SELE: variants seen among roughly 807,000 people sequenced by gnomAD.
The protein encoded by SELE is selectin E.
Under a neutral mutation model 75.8 loss-of-function variants are expected in SELE, and 52 were observed. The ratio of observed to expected loss-of-function variants is 0.69; its 90% CI spans 0.55 to 0.86. SELE has a LOEUF of 0.86. Among genes scored for constraint, SELE ranks in the 40% least tolerant of loss-of-function variants. SELE has a pLI of 0.00. For missense variants in SELE, 754 were observed against 732.7 expected (o/e 1.03, Z -0.34); for synonymous variants, 285 against 258.7 (o/e 1.10, Z -0.98).
intron 13 of SELE, among the ~76,000 whole-genome samples, chr1:169,725,126 G>A (rs916628224): frequency 6.6e-6 from 1 of 152,110 alleles, no homozygotes; most frequent in Non-Finnish European, 1.5e-5. Context: ...AGTGGCTCAC[G>A]CCTGTAATCC....
At chr1:169,731,089 T>C (rs898867987) in intron 4 of SELE, among the ~76,000 whole-genome samples, 2 of 152,148 alleles carry the variant, frequency 1.3e-5, no homozygotes, top group Admixed American at 1.3e-4. Flanking sequence ...TCTACTATAG[T>C]AGCCACTATC....
In SELE at chr1:169,722,773, A is replaced by C. The variant is rs1165936444; in HGVS notation, c.*1752T>G. 6.6e-6 allele frequency: 1 copy of C among 152,218 alleles called. No homozygotes were observed. The highest frequency in any genetic ancestry group is 2.4e-5 in the African/African-American group (1 of 41,474). The allele number at this position is 152,218 out of a possible 1,614,324, so 9.4% of individuals were successfully genotyped here. A position where few individuals can be genotyped will look rare whatever the true frequency, so the allele number is the denominator to read the frequency against. On this transcript the variant is annotated 3_prime_UTR_variant, in exon 14 of 14. Transcript: ENST00000333360. Reference sequence around the variant, plus strand: ...ATTTAAAATTCTCAATAAAACTCAAACACAAACCACACTGGTATTTCACAC... The same window carrying C: ...ATTTAAAATTCTCAATAAAACTCAACCACAAACCACACTGGTATTTCACAC...
At position 169,729,212 on chromosome 1, in the gene SELE, C is replaced by T; in HGVS notation, c.1064G>A (p.Trp355Ter). The change falls in exon 7 of 14, where the codon TGG (tryptophan) becomes TAG (stop). Residue 355 changes from tryptophan (W) to a stop codon, truncating the protein, a stop_gained. Transcript: ENST00000333360. LOFTEE classifies it high-confidence loss of function. ...TTCACAAACTGGGATTTGCTGTGTC[C>T]ACTGCCCTTGAGTGGTGCATTCAAC... ...AQVECTTQGQWTQQIPVCEAF... is the reference protein window; with the variant it reads ...AQVECTTQGQ 4 of 1,612,638 alleles carry T rather than the reference C, an allele frequency of 2.5e-6. No individual in the cohort carries two copies. Among genetic ancestry groups the T allele is most frequent in the Non-Finnish European group, 3.4e-6 (4 of 1,179,272 alleles).
At position 169,730,414 on chromosome 1, in the gene SELE, A is replaced by C; in HGVS notation, c.715+18T>G. The C allele has an allele frequency of 6.4e-7, 1 of 1,565,120 alleles. No individual in the cohort carries two copies. Among genetic ancestry groups the C allele is most frequent in the Non-Finnish European group, 8.7e-7 (1 of 1,147,526 alleles). On this transcript the variant is annotated intron_variant, in intron 5 of 13. Transcript: ENST00000333360. ...GGATGAGTTACAGAACGTTCTGTGC[A>C]TTCTCAGAGGGATTTACCATTGCAG...
chr1:169,732,812 CT>C lies in SELE; in HGVS notation c.223del (p.Arg75GlufsTer10). On this transcript the variant is annotated frameshift_variant, in exon 3 of 14. Transcript: ENST00000333360. LOFTEE classifies it high-confidence loss of function. The part of the protein sequence containing the change: ...YSPSYYWIGI[R>X]KVNNVWVWVG... ...CCAGACCCACACATTGTTGACTTTT[CT>C]GATTCCAATCCAGTAATAACTTGGT... 1 of 1,614,122 alleles carries C rather than the reference CT, an allele frequency of 6.2e-7. No homozygotes were observed. Among genetic ancestry groups the C allele is most frequent in the Non-Finnish European group, 8.5e-7 (1 of 1,180,012 alleles).
rs141518098 is a variant in SELE, at chr1:169,728,127, A to G, written c.1210T>C (p.Leu404=). The G allele has an allele frequency of 2.7e-3, 4,335 of 1,614,176 alleles. 10 individuals carry two copies. The highest frequency in any genetic ancestry group is 3.4e-3 in the Non-Finnish European group (4,029 of 1,180,028). The change falls in exon 8 of 14, where the codon TTG becomes CTG. Residue 404 remains leucine (L), a synonymous_variant. Transcript: ENST00000333360. ...CATTGGAGCCTTTTGGATCCCTTCA[A>G]CACAAAACCCTGCTCACAGGAGAAC... is the stretch of plus-strand genomic sequence containing the variant. ...CEFSCEQGFV[L]KGSKRLQCGP... is the part of the protein sequence containing the mutation.
chr1:169,730,590 G>A lies in SELE; in HGVS notation c.557C>T (p.Pro186Leu), dbSNP rs1648889284. ...ACTGCAAACCAGGCTTCCATGCTCA[G>A]GGGATTCCAGGGCTGTACAGTTCAC... ...QIVNCTALESPEHGSLVCSHP... is the reference protein window; with the variant it reads ...QIVNCTALESLEHGSLVCSHP... Residue 186 changes from proline (P) to leucine (L), a missense_variant, in exon 5 of 14, where the codon CCT becomes CTT. Physicochemically the swap from Pro to Leu is moderately conservative, Grantham distance 98 (BLOSUM62 -3). Transcript: ENST00000333360. 2 of 1,613,790 alleles carry A rather than the reference G, an allele frequency of 1.2e-6. No homozygotes were observed. The highest frequency in any genetic ancestry group is 1.7e-6 in the Non-Finnish European group (2 of 1,179,950).
intron 2 of SELE, among the ~76,000 whole-genome samples, 170 bp downstream of exon 2, chr1:169,733,406 C>T (rs993982997): frequency 2.0e-5 from 3 of 152,084 alleles, no homozygotes; most frequent in Non-Finnish European, 4.4e-5. Context: ...AGGGAGACAC[C>T]AAGAGGTAAA....
In SELE at chr1:169,733,963, G is replaced by A. The variant is rs1233508948; in HGVS notation, c.-49+8C>T. ...CGAGGCTGCCCTTATAAAGCGTTCT[G>A]CACTTACCGTTTTGGGAAGCAGTTG... On this transcript the variant is annotated splice_region_variant and intron_variant, in intron 1 of 13. Transcript: ENST00000333360. The A allele has an allele frequency of 7.8e-6, 2 of 256,358 alleles. No individual in the cohort carries two copies. Among genetic ancestry groups the A allele is most frequent in the Non-Finnish European group, 1.5e-5 (2 of 132,792 alleles). 15.9% of individuals were successfully genotyped at this position (256,358 alleles called of 1,614,324 possible). A position where few individuals can be genotyped will look rare whatever the true frequency, so the allele number is the denominator to read the frequency against.
chr1:169,727,788 A>G lies in SELE; in HGVS notation c.1419T>C (p.Leu473=), dbSNP rs761064301. Residue 473 remains leucine, a synonymous_variant, in exon 9 of 14, where the codon CTT becomes CTC. Transcript: ENST00000333360. ...EGFELHGSTQ[L]ECTSQGQWTE... ...TCCATTGTCCCTGAGATGTGCACTC[A>G]AGTTGAGTTGATCCATGTAATTCAA... The G allele has an allele frequency of 9.3e-6, 15 of 1,614,124 alleles. 1 individual carries two copies. In the Admixed American group the frequency reaches 2.2e-4, roughly 23 times the overall value.
intron 10 of SELE, 110 bp from the exon 11 acceptor site, chr1:169,726,916 G>C (rs1648788379): frequency 2.7e-6 from 2 of 729,996 alleles, no homozygotes; most frequent in Admixed American, 2.5e-5. Flanking sequence ...GAGCAGAAGA[G>C]CTATCTAGTT....
intron 13 of SELE, among the ~76,000 whole-genome samples, chr1:169,725,488 T>C (rs929964225): frequency 3.3e-5 from 5 of 151,974 alleles, no homozygotes; most frequent in Admixed American, 1.3e-4. Flanking sequence ...ATAAGTGCAA[T>C]GTAAGGGTCA....
In SELE at chr1:169,726,958, G is replaced by A. The variant is rs567312714; in HGVS notation, c.1646-152C>T. ...AAGAAGCAGAGATGTGGCATTACAGGCCTTTGAGATCTGCTCCAAGCCACC... is the reference window on the plus strand; with the variant it reads ...AAGAAGCAGAGATGTGGCATTACAGACCTTTGAGATCTGCTCCAAGCCACC... On this transcript the variant is annotated intron_variant, in intron 10 of 13. Transcript: ENST00000333360. The A allele has an allele frequency of 1.4e-5, 9 of 633,822 alleles. No homozygotes were observed. In the East Asian group the frequency reaches 2.5e-4, roughly 17 times the overall value. 39.3% of individuals were successfully genotyped at this position (633,822 alleles called of 1,614,324 possible).
chr1:169,730,687 A>C, intron 4 of SELE, 70 bp from the exon 5 acceptor site: 1 of 914,220 alleles, frequency 1.1e-6, no homozygotes, highest in Non-Finnish European at 1.5e-6. Flanking sequence ...GGAAACTAGA[A>C]CTACAGTTTG....
rs767038120 is a variant in SELE at position 169,727,907 on chromosome 1, G to A, written c.1300C>T (p.His434Tyr). ...CTCACCAAACCCTTCGGGGGCTGGTGGACAGCATCGCATCTCACAGCTGGA... is the reference window on the plus strand; with the variant it reads ...CTCACCAAACCCTTCGGGGGCTGGTAGACAGCATCGCATCTCACAGCTGGA... ...TCEAVRCDAVHQPPKGLVRCA... is the reference protein window; with the variant it reads ...TCEAVRCDAVYQPPKGLVRCA... Residue 434 changes from histidine to tyrosine, a missense_variant, in exon 9 of 14, where the codon CAC becomes TAC. Physicochemically the swap from His to Tyr is moderately conservative, Grantham distance 83 (BLOSUM62 2). Coordinates refer to ENST00000333360, the MANE Select transcript of SELE (RefSeq NM_000450.2). The A allele has an allele frequency of 1.2e-6, 2 of 1,613,830 alleles. No homozygotes were observed. Among genetic ancestry groups the A allele is most frequent in the South Asian group, 1.1e-5 (1 of 91,018 alleles).
At position 169,723,968 on chromosome 1, in the gene SELE, A is replaced by G. The variant is rs1023581126; in HGVS notation, c.*557T>C. 6.6e-6 allele frequency: 1 copy of G among 152,272 alleles called. No homozygotes were observed. Among genetic ancestry groups the G allele is most frequent in the South Asian group, 2.1e-4 (1 of 4,834 alleles). The allele number at this position is 152,272 out of a possible 1,614,324, so 9.4% of individuals were successfully genotyped here. A position where few individuals can be genotyped will look rare whatever the true frequency, so the allele number is the denominator to read the frequency against. Reference sequence around the variant, plus strand: ...ATAGTAACCCTCGCACAGAGCATTCAGTAGGATTTGCACCATTAACAACCC... The same window carrying G: ...ATAGTAACCCTCGCACAGAGCATTCGGTAGGATTTGCACCATTAACAACCC... On this transcript the variant is annotated 3_prime_UTR_variant, in exon 14 of 14. Transcript: ENST00000333360.
Position 169,729,548 on chromosome 1 carries a change from C to A in SELE, c.841G>T (p.Ala281Ser). 1 of 1,614,186 alleles carries A rather than the reference C, an allele frequency of 6.2e-7. No individual in the cohort carries two copies. The highest frequency in any genetic ancestry group is 8.5e-7 in the Non-Finnish European group (1 of 1,180,002). ...GATGAGGTACACTGAAGGCTCTGGG[C>A]TCCCATTAGTTCAAATCCTTCTTCA... ...DCEEGFELMG[A>S]QSLQCTSSGN... The change falls in exon 6 of 14, where the codon GCC becomes TCC. Residue 281 changes from alanine to serine, a missense_variant. Physicochemically the swap from Ala to Ser is moderately conservative, Grantham distance 99 (BLOSUM62 1). Coordinates refer to ENST00000333360, the MANE Select transcript of SELE (RefSeq NM_000450.2).
chr1:169,730,064 A>G (rs1421017634), intron 5 of SELE, among the ~76,000 whole-genome samples: 1 of 152,154 alleles, frequency 6.6e-6, no homozygotes, highest in Non-Finnish European at 1.5e-5. Context: ...TAAAATTAAG[A>G]GAGAAAAAGA....
In SELE at chr1:169,727,425, T is replaced by C; in HGVS notation, c.1569A>G (p.Gly523=). The C allele has an allele frequency of 1.2e-6, 2 of 1,614,160 alleles. No individual in the cohort carries two copies. Among genetic ancestry groups the C allele is most frequent in the Non-Finnish European group, 1.7e-6 (2 of 1,180,026 alleles). ...GTVCKFACPE[G]WTLNGSAART... is the part of the protein sequence containing the mutation. ...GAGCTGCAGAGCCATTGAGCGTCCA[T>C]CCTTCAGGACAGGCGAACTTGCACA... Residue 523 remains glycine, a synonymous_variant, in exon 10 of 14, where the codon GGA becomes GGG. Coordinates refer to ENST00000333360, the MANE Select transcript of SELE (RefSeq NM_000450.2).
Sources: allele counts gnomAD v4.1 joint callset (sites outside exome capture counted in the v4.1 genomes callset), GRCh38; gene constraint gnomAD v4.1.1; transcripts MANE v1.5; gene names NCBI Gene and HGNC (gene_info 2026-07-23, HGNC 2026-07-21).